Variants in CSPP1 observed in about 807,000 individuals in gnomAD.
The protein encoded by CSPP1 is centrosome and spindle pole-associated protein 1.
A neutral mutation model predicts 164.4 loss-of-function variants in CSPP1; 126 were observed. That is an observed-to-expected ratio of 0.77 (90% CI 0.66 to 0.89). The LOEUF is 0.89. Among genes scored for constraint, CSPP1 ranks in the 40% least tolerant of loss-of-function variants. The probability of loss-of-function intolerance (pLI) is 0.00; values close to 1 mark genes in which losing one functional copy is unlikely to be tolerated. For synonymous variants in CSPP1, 472 were observed against 476.7 expected, an observed-to-expected ratio of 0.99 and a Z score of 0.13; for missense variants, 1,395 against 1,449.8, an observed-to-expected ratio of 0.96 and a Z score of 0.61.
At chr8:67,188,331 C>A (rs953388547) in intron 28 of CSPP1, among the ~76,000 whole-genome samples, 3 of 152,210 alleles carry the variant, frequency 2.0e-5, no homozygotes, top group Admixed American at 2.0e-4. Context: ...CTAAGCCTAG[C>A]TGGGAAGGTG....
intron 17 of CSPP1, among the ~76,000 whole-genome samples, chr8:67,139,349 G>T (rs1284032812): frequency 6.6e-6 from 1 of 152,080 alleles, no homozygotes; most frequent in East Asian, 1.9e-4. Context: ...AACAACAGGT[G>T]CTGGAGAGGA....
chr8:67,072,881 A>C (rs539925119), intron 1 of CSPP1, among the ~76,000 whole-genome samples: 4 of 151,766 alleles, frequency 2.6e-5, no homozygotes, highest in Admixed American at 2.6e-4. Context: ...AAAAAAAAAA[A>C]AAAAAAAAAG....
intron 9 of CSPP1, among the ~76,000 whole-genome samples, chr8:67,111,653 G>T (rs1252269235): frequency 6.6e-6 from 1 of 151,842 alleles, no homozygotes; most frequent in African/African-American, 2.4e-5. Context: ...AAGACTTATG[G>T]AAGATATTAA....
intron 18 of CSPP1, among the ~76,000 whole-genome samples, chr8:67,150,786 T>G (rs1347461469): frequency 6.6e-6 from 1 of 151,716 alleles, no homozygotes; most frequent in Non-Finnish European, 1.5e-5. Flanking sequence ...TATCTTTTTT[T>G]GACATACCAG....
chr8:67,152,340 T>G (rs1030997697), intron 18 of CSPP1, among the ~76,000 whole-genome samples: 1 of 152,130 alleles, frequency 6.6e-6, no homozygotes, highest in African/African-American at 2.4e-5. Context: ...TCCTCTAATA[T>G]TTTATCTTCA....
intron 28 of CSPP1, among the ~76,000 whole-genome samples, chr8:67,187,641 G>A (rs1221764642): frequency 2.0e-5 from 3 of 151,966 alleles, no homozygotes; most frequent in Non-Finnish European, 4.4e-5. Flanking sequence ...CTATGATCAC[G>A]CCACTAAACT....
At chr8:67,113,907 G>T (rs746440766) in intron 11 of CSPP1, 45 bp downstream of exon 11, 2 of 1,211,050 alleles carry the variant, frequency 1.7e-6, no homozygotes. Context: ...TTCATCAAAT[G>T]ATCCTCAAAT....
chr8:67,071,761 CT>C (rs1271256308), intron 1 of CSPP1, among the ~76,000 whole-genome samples: 3 of 151,938 alleles, frequency 2.0e-5, no homozygotes, highest in Non-Finnish European at 4.4e-5. Context: ...TTTAATGGGA[CT>C]TTGGAAGATG....
chr8:67,109,341 A>G (rs1816333984), intron 9 of CSPP1, among the ~76,000 whole-genome samples: 1 of 152,114 alleles, frequency 6.6e-6, no homozygotes, highest in African/African-American at 2.4e-5. Flanking sequence ...TACTCACTTT[A>G]TGCCAGCAAG....
intron 16 of CSPP1, 86 bp downstream of exon 16, chr8:67,132,166 G>T: frequency 7.6e-7 from 1 of 1,317,134 alleles, no homozygotes; most frequent in Non-Finnish European, 1.0e-6. Flanking sequence ...GCCGGGGAGG[G>T]GAAAAAAAAC....
rs1049758466 is a variant in CSPP1 at position 67,072,885 on chromosome 8, A to G, written c.-10-1358A>G. Among the ~76,000 whole-genome samples, 12 of 151,752 alleles carry G rather than the reference A, an allele frequency of 7.9e-5. No homozygotes were observed. In the South Asian group the frequency reaches 8.3e-4, roughly 10 times the overall value. ...AGCCTGTCTCAAAAAAAAAAAAAAA[A>G]AAAAAGAAAGAAAGAAAAGCTAATT... On this transcript the variant is annotated intron_variant, in intron 1 of 30. Transcript: ENST00000678616.
At chr8:67,109,154 C>T (rs568405416) in intron 9 of CSPP1, among the ~76,000 whole-genome samples, 14 of 152,308 alleles carry the variant, frequency 9.2e-5, no homozygotes, top group Admixed American at 2.6e-4. Flanking sequence ...GCCTTTTAAC[C>T]GGAGGCTTGA....
chr8:67,099,045 C>G (rs974139461), intron 7 of CSPP1, among the ~76,000 whole-genome samples: 1 of 150,158 alleles, frequency 6.7e-6, no homozygotes. Flanking sequence ...TTGGGTATTA[C>G]GATTTTTACC....
intron 15 of CSPP1, among the ~76,000 whole-genome samples, chr8:67,126,110 G>A (rs1180659434): frequency 6.6e-6 from 1 of 152,184 alleles, no homozygotes; most frequent in Non-Finnish European, 1.5e-5. Context: ...GGGATTACAG[G>A]CGTGAGCCAC....
intron 15 of CSPP1, among the ~76,000 whole-genome samples, chr8:67,121,145 G>A (rs1247499960): frequency 2.6e-5 from 4 of 152,130 alleles, no homozygotes; most frequent in Admixed American, 6.6e-5. Flanking sequence ...GAGCCACTGC[G>A]CCTGGCCCCT....
At chr8:67,167,716 C>T (rs541877562) in intron 24 of CSPP1, among the ~76,000 whole-genome samples, 58 of 149,686 alleles carry the variant, frequency 3.9e-4, no homozygotes, top group African/African-American at 1.2e-3. Context: ...GGGGCAGAGG[C>T]GCTCCCCACA....
intron 19 of CSPP1, among the ~76,000 whole-genome samples, chr8:67,157,244 G>A (rs930825705): frequency 8.6e-5 from 13 of 152,028 alleles, no homozygotes; most frequent in Non-Finnish European, 1.5e-4. Context: ...TGAGAAAGAA[G>A]TGTTGGAAAA....
intron 7 of CSPP1, among the ~76,000 whole-genome samples, 165 bp from the exon 8 acceptor site, chr8:67,102,872 C>T (rs977894577): frequency 1.3e-5 from 2 of 152,182 alleles, no homozygotes; most frequent in African/African-American, 4.8e-5. Flanking sequence ...CATTAACCAG[C>T]AGATCATACA....
intron 2 of CSPP1, 95 bp downstream of exon 2, chr8:67,074,446 A>T: frequency 1.5e-6 from 1 of 688,044 alleles, no homozygotes; most frequent in South Asian, 2.4e-5. Context: ...TATGAGTGAG[A>T]ATCTTCTGTT....
Sources: gnomAD v4.1 joint callset for allele counts (sites outside exome capture counted in the v4.1 genomes callset) on GRCh38, gnomAD v4.1.1 for gene constraint, MANE v1.5 for transcripts, NCBI Gene and HGNC (gene_info 2026-07-23, HGNC 2026-07-21) for gene names.